The following CIITA variants were observed in gnomAD, a reference collection of about 807,000 sequenced individuals.
CIITA encodes the protein class II major histocompatibility complex transactivator, also known as MHC class II transactivator.
In CIITA, 72 loss-of-function variants were observed where a neutral mutation model predicts 115.1. That is an observed-to-expected ratio of 0.63 (90% CI 0.52 to 0.76). The LOEUF is 0.76. Among genes scored for constraint, CIITA ranks in the 30% least tolerant of loss-of-function variants. CIITA has a pLI of 0.00. For synonymous variants in CIITA, 763 were observed against 635.6 expected, an observed-to-expected ratio of 1.20 and a Z score of -3.02; for missense variants, 1,617 against 1,463.8, an observed-to-expected ratio of 1.10 and a Z score of -1.71.
intron 1 of CIITA, among the ~76,000 whole-genome samples, chr16:10,869,269 G>C (rs1250177558): frequency 6.6e-6 from 1 of 152,136 alleles, no homozygotes; most frequent in Non-Finnish European, 1.5e-5. Flanking sequence ...TGTCTGCCTT[G>C]TTCATCTACT....
chr16:10,903,662 G>C, intron 8 of CIITA, 69 bp from the exon 9 acceptor site: 1 of 1,556,042 alleles, frequency 6.4e-7, no homozygotes, highest in South Asian at 1.1e-5. Flanking sequence ...TTTGGAGTAG[G>C]GGTGACCCAA....
chr16:10,906,639 G>C lies in CIITA; in HGVS notation c.1147G>C (p.Ala383Pro). The C allele has an allele frequency of 6.2e-7, 1 of 1,613,866 alleles. No homozygotes were observed. Among genetic ancestry groups the C allele is most frequent in the Non-Finnish European group, 8.5e-7 (1 of 1,179,974 alleles). The change falls in exon 11 of 20, where the codon GCC becomes CCC. Residue 383 changes from alanine (A) to proline (P), a missense_variant. Physicochemically the swap from Ala to Pro is conservative, Grantham distance 27 (BLOSUM62 -1). Coordinates refer to ENST00000324288, the MANE Select transcript of CIITA (RefSeq NM_000246.4). ...CAGCAAGAGCCTGGAGCGGGAACTG[G>C]CCACCCCGGACTGGGCAGAACGGCA... ...SSSKSLEREL[A>P]TPDWAERQLA...
Position 10,901,363 on chromosome 16 carries a change from G to A in CIITA, c.437-151G>A. The A allele has an allele frequency of 1.3e-6, 1 of 776,752 alleles. No individual in the cohort carries two copies. The highest frequency in any genetic ancestry group is 1.5e-5 in the South Asian group (1 of 66,190). 48.1% of individuals were successfully genotyped at this position (776,752 alleles called of 1,614,324 possible). ...TTTGGGTTCAAGCCAAGGAGCTGGG[G>A]TTGGAATGTTAGAGCGAGGGGAGGA... On this transcript the variant is annotated intron_variant, in intron 5 of 19. Coordinates refer to ENST00000324288, the MANE Select transcript of CIITA (RefSeq NM_000246.4). This position sits in a 1 kb window ranked among gnomAD's most constrained non-coding sequence, Gnocchi z 6.8.
chr16:10,905,687 A>G (rs761768560), intron 10 of CIITA, among the ~76,000 whole-genome samples: 1 of 151,908 alleles, frequency 6.6e-6, no homozygotes, highest in African/African-American at 2.4e-5. Context: ...GCCTAAACCC[A>G]GGAGGTGGAG....
At chr16:10,937,610 C>T (rs1013390270), downstream of CIITA, 3 of 152,364 alleles carry the variant, frequency 2.0e-5, no homozygotes, top group South Asian at 2.1e-4. The surrounding 1 kb of genome is among the most constrained non-coding windows in gnomAD (Gnocchi z 4.2). Flanking sequence ...ATTTTCAGCT[C>T]GCTGTGTGCC....
At chr16:10,883,969 T>C (rs1250654310) in intron 1 of CIITA, among the ~76,000 whole-genome samples, 1 of 152,198 alleles carries the variant, frequency 6.6e-6, no homozygotes, top group Non-Finnish European at 1.5e-5. Flanking sequence ...ACTGATACAT[T>C]TGTTATAATC....
At chr16:10,905,375 C>T (rs748739039) in intron 10 of CIITA, among the ~76,000 whole-genome samples, 4 of 152,152 alleles carry the variant, frequency 2.6e-5, no homozygotes, top group Non-Finnish European at 4.4e-5. Context: ...GTGGGCTCCA[C>T]TGTCTTAACT....
At position 10,901,429 on chromosome 16, in the gene CIITA, G is replaced by A. The variant is rs2038740904; in HGVS notation, c.437-85G>A. Reference sequence around the variant, plus strand: ...ACCACTACCCAGCCTTGAAGTTAAGGCCGTATAGCCTGCTAGAGTCCTGAG... The same window carrying A: ...ACCACTACCCAGCCTTGAAGTTAAGACCGTATAGCCTGCTAGAGTCCTGAG... On this transcript the variant is annotated intron_variant, in intron 5 of 19. Coordinates refer to ENST00000324288, the MANE Select transcript of CIITA (RefSeq NM_000246.4). This position sits in a 1 kb window ranked among gnomAD's most constrained non-coding sequence, Gnocchi z 6.8. The A allele has an allele frequency of 6.9e-7, 1 of 1,447,476 alleles. No individual in the cohort carries two copies. Among genetic ancestry groups the A allele is most frequent in the South Asian group, 1.2e-5 (1 of 86,564 alleles). The allele number at this position is 1,447,476 out of a possible 1,614,324, so 89.7% of individuals were successfully genotyped here.
chr16:10,883,291 G>C (rs931233202), intron 1 of CIITA, among the ~76,000 whole-genome samples: 1 of 152,232 alleles, frequency 6.6e-6, no homozygotes, highest in Non-Finnish European at 1.5e-5. Flanking sequence ...ACTGCAGTTA[G>C]GAGTGGCATG....
At chr16:10,877,993 G>T (rs2143478721) in intron 1 of CIITA, among the ~76,000 whole-genome samples, 1 of 152,322 alleles carries the variant, frequency 6.6e-6, no homozygotes, top group Non-Finnish European at 1.5e-5. Flanking sequence ...GCTGGGAAGG[G>T]TGTGCCCCTG....
At position 10,889,060 on chromosome 16, in the gene CIITA, C is replaced by T. The variant is rs144475101; in HGVS notation, c.53-6222C>T. Among the ~76,000 whole-genome samples the T allele has an allele frequency of 3.0e-3, 452 of 152,308 alleles. 1 individual carries two copies. Among genetic ancestry groups the T allele is most frequent in the African/African-American group, 7.1e-3 (296 of 41,564 alleles). On this transcript the variant is annotated intron_variant, in intron 1 of 19. Coordinates refer to ENST00000324288, the MANE Select transcript of CIITA (RefSeq NM_000246.4). ...GAATTCTAGTTCTATATCATTGCCA[C>T]GGATGAAGAGAGGCTGCCATGCGCA... is the stretch of plus-strand genomic sequence containing the variant.
At position 10,929,552 on chromosome 16, in the gene CIITA, G is replaced by A; in HGVS notation, c.*5697G>A. The A allele has an allele frequency of 2.0e-6, 2 of 985,490 alleles. No homozygotes were observed. Among genetic ancestry groups the A allele is most frequent in the Non-Finnish European group, 2.4e-6 (2 of 829,994 alleles). The allele number at this position is 985,490 out of a possible 1,614,324, so 61.0% of individuals were successfully genotyped here. ...TCTGTTGGCACGAAGCTTTTGAGGGGAGCAGGTCTAACAAGAAGGAAAAAG... is the reference window on the plus strand; with the variant it reads ...TCTGTTGGCACGAAGCTTTTGAGGGAAGCAGGTCTAACAAGAAGGAAAAAG... On this transcript the variant is annotated 3_prime_UTR_variant, in exon 20 of 20. Transcript: ENST00000324288. This position sits in a 1 kb window ranked among gnomAD's most constrained non-coding sequence, Gnocchi z 4.3.
Position 10,879,874 on chromosome 16 carries a change from C to T in CIITA, c.52+2492C>T, listed in dbSNP as rs1000282264. ...TTAAAAGCCGCGGTCCTCCTGAGTC[C>T]CACAGCCCCTCTCCACCCTAGGTGG... On this transcript the variant is annotated intron_variant, in intron 1 of 19. Coordinates refer to ENST00000324288, the MANE Select transcript of CIITA (RefSeq NM_000246.4). The surrounding 1 kb of genome is among the most constrained non-coding windows in gnomAD (Gnocchi z 4.3). Among the ~76,000 whole-genome samples the T allele has an allele frequency of 6.6e-6, 1 of 152,114 alleles. No homozygotes were observed. Among genetic ancestry groups the T allele is most frequent in the African/African-American group, 2.4e-5 (1 of 41,406 alleles).
At position 10,932,052 on chromosome 16, in the gene CIITA, A is replaced by G. The variant is rs757995592; in HGVS notation, c.*8197A>G. ...GATCCAAGCTGGTCCCACTCAGTCC[A>G]TAGCAGAGAATGAAAGGGCCCAGAG... On this transcript the variant is annotated 3_prime_UTR_variant, in exon 20 of 20. Coordinates refer to ENST00000324288, the MANE Select transcript of CIITA (RefSeq NM_000246.4). The G allele has an allele frequency of 4.6e-5, 7 of 152,264 alleles. No homozygotes were observed. Among genetic ancestry groups the G allele is most frequent in the Non-Finnish European group, 1.0e-4 (7 of 68,050 alleles). 9.4% of individuals were successfully genotyped at this position (152,264 alleles called of 1,614,324 possible).
rs928565740 is a variant in CIITA at position 10,892,050 on chromosome 16, G to A, written c.53-3232G>A. Reference sequence around the variant, plus strand: ...AAGAAAATGGGTCTCTGGGCCGGGTGTGGTGGCTCACACCTGTAATCCCAG... The same window carrying A: ...AAGAAAATGGGTCTCTGGGCCGGGTATGGTGGCTCACACCTGTAATCCCAG... On this transcript the variant is annotated intron_variant, in intron 1 of 19. Coordinates refer to ENST00000324288, the MANE Select transcript of CIITA (RefSeq NM_000246.4). Among the ~76,000 whole-genome samples the A allele has an allele frequency of 5.3e-5, 8 of 152,190 alleles. No homozygotes were observed. The East Asian group carries it at 9.6e-4, about 18-fold the overall frequency.
chr16:10,891,658 G>A (rs1014721117), intron 1 of CIITA, among the ~76,000 whole-genome samples: 11 of 152,254 alleles, frequency 7.2e-5, no homozygotes, highest in South Asian at 2.1e-4. Flanking sequence ...AATGGGAGGC[G>A]GGCATCAGGC....
upstream of CIITA, among the ~76,000 whole-genome samples, chr16:10,874,630 C>T (rs1260083742): frequency 1.3e-5 from 2 of 152,192 alleles, no homozygotes; most frequent in Non-Finnish European, 2.9e-5. Context: ...CCGACACAGG[C>T]ATGGTCAGGT....
intron 1 of CIITA, among the ~76,000 whole-genome samples, chr16:10,867,112 T>A (rs1417839135): frequency 1.3e-5 from 2 of 151,884 alleles, no homozygotes; most frequent in Non-Finnish European, 2.9e-5. Flanking sequence ...GACATCCTGG[T>A]GGGTGCCTGT....
intron 12 of CIITA, among the ~76,000 whole-genome samples, chr16:10,909,783 G>C (rs1314370466): frequency 6.6e-6 from 1 of 152,142 alleles, no homozygotes; most frequent in Non-Finnish European, 1.5e-5. Context: ...TACCAGGCTA[G>C]AATACAGTAG....
Sources: gnomAD v4.1 joint callset for allele counts (sites outside exome capture counted in the v4.1 genomes callset) on GRCh38, gnomAD v4.1.1 for gene constraint, Gnocchi (gnomAD v3.1) non-coding constraint, MANE v1.5 for transcripts, NCBI Gene and HGNC (gene_info 2026-07-23, HGNC 2026-07-21) for gene names.